IRAG1: variants seen among roughly 807,000 people sequenced by gnomAD.
IRAG1 encodes the protein inositol 1,4,5-triphosphate receptor associated 1, also known as IP3R-associated cGMP kinase substrate.
IRAG1 carries 62 observed loss-of-function variants against 106.2 expected under a neutral mutation model. The ratio of observed to expected loss-of-function variants is 0.58; its 90% CI spans 0.48 to 0.72. The LOEUF (loss-of-function observed/expected upper bound fraction) is 0.72. Among genes scored for constraint, IRAG1 ranks in the 30% least tolerant of loss-of-function variants. The pLI is 0.00. For missense variants in IRAG1, 1,064 were observed against 1,140.7 expected (o/e 0.93, Z 0.97); for synonymous variants, 462 against 443.9 (o/e 1.04, Z -0.51).
At chr11:10,690,314 C>T (rs767147310) in intron 1 of IRAG1, 322 of 1,095,908 alleles carry the variant, frequency 2.9e-4, no homozygotes, top group Non-Finnish European at 3.7e-4. Flanking sequence ...TGCTTGAACC[C>T]GGGAGGTGGG....
intron 18 of IRAG1, chr11:10,586,251 C>G (rs1444440723): frequency 6.6e-6 from 1 of 152,118 alleles, no homozygotes; most frequent in Non-Finnish European, 1.5e-5. Flanking sequence ...TTGCTGTTCT[C>G]TCCTGACCTC....
chr11:10,603,473 T>C (rs1854205731), intron 13 of IRAG1, among the ~76,000 whole-genome samples: 1 of 151,980 alleles, frequency 6.6e-6, no homozygotes, highest in African/African-American at 2.4e-5. Context: ...TACAATAGGG[T>C]TCGTGACCCT....
chr11:10,648,621 A>G (rs1471495064), intron 2 of IRAG1, among the ~76,000 whole-genome samples: 1 of 151,592 alleles, frequency 6.6e-6, no homozygotes, highest in East Asian at 1.9e-4. Flanking sequence ...TCCTGCTAGA[A>G]CCCCTTGGCT....
intron 10 of IRAG1, chr11:10,617,022 G>T: frequency 3.1e-6 from 3 of 954,808 alleles, no homozygotes; most frequent in Non-Finnish European, 3.7e-6. Context: ...CTGCTAGTTG[G>T]GGATAAACTT....
chr11:10,631,865 C>T, intron 4 of IRAG1, 126 bp downstream of exon 4: 6 of 729,138 alleles, frequency 8.2e-6, no homozygotes, highest in South Asian at 7.8e-5. Context: ...GGCTGATCTA[C>T]CCTGTCCTGT....
chr11:10,655,561 T>C (rs1858854785), intron 1 of IRAG1, among the ~76,000 whole-genome samples: 1 of 152,130 alleles, frequency 6.6e-6, no homozygotes, highest in Non-Finnish European at 1.5e-5. Context: ...TGAGTCCCCA[T>C]TCCTTGGAGC....
intron 10 of IRAG1, among the ~76,000 whole-genome samples, chr11:10,620,132 A>G (rs776803407): frequency 1.3e-5 from 2 of 152,214 alleles, no homozygotes; most frequent in Non-Finnish European, 2.9e-5. Context: ...ACAGATTTCT[A>G]TAAAGATCTA....
Position 10,629,549 on chromosome 11 carries a change from T to A in IRAG1, c.563A>T (p.Asp188Val), listed in dbSNP as rs778311089. Residue 188 changes from aspartate to valine, a missense_variant, in exon 5 of 21, where the codon GAC (aspartate) becomes GTC (valine). Coordinates refer to ENST00000423302, the MANE Select transcript of IRAG1 (RefSeq NM_130385.4). ...RGRKSRSSPG[D>V]SPSAVSPNLS... ...TCCTGCCACCCTACCTGATGGGGAG[T>A]CTCCGGGGCTGCTCCTGGACTTCCT... The A allele has an allele frequency of 5.6e-6, 9 of 1,612,828 alleles. 1 individual carries two copies. In the South Asian group the frequency reaches 7.7e-5, roughly 14 times the overall value.
At position 10,643,091 on chromosome 11, in the gene IRAG1, C is replaced by T. The variant is rs935780518; in HGVS notation, c.225+8934G>A. Among the ~76,000 whole-genome samples, 14 of 147,020 alleles carry T rather than the reference C, an allele frequency of 9.5e-5. No homozygotes were observed. In the South Asian group the frequency reaches 1.3e-3, roughly 14 times the overall value. ...TCGGGAAGCTGAGGCGGGAGAATGG[C>T]GTGAACCCAGGAGGCGGAGCTTACA... On this transcript the variant is annotated intron_variant, in intron 2 of 20. Transcript: ENST00000423302.
At chr11:10,680,524 A>AAAGGAAGGAAGGAAGG (rs368939954) in intron 1 of IRAG1, among the ~76,000 whole-genome samples, 10 of 139,034 alleles carry the variant, frequency 7.2e-5, no homozygotes, top group South Asian at 7.1e-4. Flanking sequence ...AGAAAGGAAG[A>AAAGGAAGGAAGGAAGG]AAGGAAGGAA....
chr11:10,609,605 A>T, intron 11 of IRAG1, 123 bp downstream of exon 11: 1 of 1,148,396 alleles, frequency 8.7e-7, no homozygotes. Flanking sequence ...CCCTATCTAG[A>T]CAATTGGACT....
chr11:10,667,148 TG>T (rs150249172), intron 1 of IRAG1, among the ~76,000 whole-genome samples: 33,952 of 150,986 alleles, frequency 0.22, 4,851 homozygotes, highest in East Asian at 0.77. Context: ...TTCGTTTTTT[TG>T]TTTTTGTTTT....
In IRAG1 at chr11:10,659,206, G is replaced by C. The variant is rs1859203930; in HGVS notation, c.68-7024C>G. ...AGTGTGGAATCCCTCCTGGAAGAGA[G>C]CCAGCCACAGTGTCTGGCCAAGTAG... On this transcript the variant is annotated intron_variant, in intron 1 of 20. Transcript: ENST00000423302. This position sits in a 1 kb window ranked among gnomAD's most constrained non-coding sequence, Gnocchi z 4.1. 6.6e-6 allele frequency among the ~76,000 whole-genome samples: 1 copy of C among 152,206 alleles called. No individual in the cohort carries two copies. Among genetic ancestry groups the C allele is most frequent in the African/African-American group, 2.4e-5 (1 of 41,452 alleles).
chr11:10,634,753 T>TTGTGTGTGTGTGTGTGTGTGTG (rs57266330), intron 2 of IRAG1, among the ~76,000 whole-genome samples: 4 of 144,936 alleles, frequency 2.8e-5, no homozygotes, highest in African/African-American at 1.0e-4. Context: ...AATAATATTC[T>TTGTGTGTGTGTGTGTGTGTGTG]TGTGTGTGTG....
At chr11:10,576,716 G>A in intron 20 of IRAG1, 141 bp from the exon 21 acceptor site, 1 of 1,069,068 alleles carries the variant, frequency 9.4e-7, no homozygotes, top group South Asian at 1.5e-5. Context: ...GATTGGGTTG[G>A]CAGCAATTGT....
Position 10,599,099 on chromosome 11 carries a change from C to T in IRAG1, c.2017+1819G>A, listed in dbSNP as rs1853657566. ...GAAAAACACGTACAGCTATCGTTGA[C>T]CTTTCCTACGGTAAGCGTTTTCTCA... On this transcript the variant is annotated intron_variant, in intron 15 of 20. Transcript: ENST00000423302. Among the ~76,000 whole-genome samples the T allele has an allele frequency of 5.9e-5, 9 of 152,290 alleles. No homozygotes were observed. In the South Asian group the frequency reaches 1.9e-3, roughly 32 times the overall value.
intron 10 of IRAG1, among the ~76,000 whole-genome samples, chr11:10,610,166 T>A (rs568365499): frequency 1.3e-5 from 2 of 152,234 alleles, no homozygotes; most frequent in African/African-American, 2.4e-5. Context: ...AAGCTGGCAA[T>A]TGGAAGCTGG....
chr11:10,629,386 C>G (rs1417999777), intron 5 of IRAG1, among the ~76,000 whole-genome samples, 152 bp downstream of exon 5: 1 of 152,146 alleles, frequency 6.6e-6, no homozygotes, highest in Admixed American at 6.5e-5. Flanking sequence ...GGGAAGGGAG[C>G]CCAGGACAGA....
At chr11:10,618,405 C>T (rs1014558728) in intron 10 of IRAG1, among the ~76,000 whole-genome samples, 7 of 152,290 alleles carry the variant, frequency 4.6e-5, no homozygotes, top group East Asian at 1.9e-4. Flanking sequence ...TTCGTTCATA[C>T]ATTTGTTTAA....
Sources: gnomAD v4.1 joint callset for allele counts (sites outside exome capture counted in the v4.1 genomes callset) on GRCh38, gnomAD v4.1.1 for gene constraint, Gnocchi (gnomAD v3.1) non-coding constraint, MANE v1.5 for transcripts, NCBI Gene and HGNC (gene_info 2026-07-23, HGNC 2026-07-21) for gene names.